The following MEMO1 variants were observed in gnomAD, a reference collection of about 807,000 sequenced individuals.
MEMO1 encodes mediator of cell motility 1, also known as protein MEMO1.
In MEMO1, 6 loss-of-function variants were observed where a neutral mutation model predicts 45.2. The ratio of observed to expected loss-of-function variants is 0.13; its 90% CI spans 0.07 to 0.26. The LOEUF is 0.26. Among genes scored for constraint, MEMO1 ranks in the 10% least tolerant of loss-of-function variants. MEMO1 has a pLI of 1.00. For synonymous variants in MEMO1, 78 were observed against 124.3 expected, an observed-to-expected ratio of 0.63 and a Z score of 2.48; for missense variants, 184 against 370.5, an observed-to-expected ratio of 0.50 and a Z score of 4.13.
intron 2 of MEMO1, among the ~76,000 whole-genome samples, chr2:32,003,975 C>A (rs1160782223): frequency 6.6e-6 from 1 of 151,924 alleles, no homozygotes; most frequent in Non-Finnish European, 1.5e-5. Flanking sequence ...AGCTTGAGAC[C>A]AGGAATTTGA....
chr2:31,998,444 C>G (rs181549205), intron 2 of MEMO1, among the ~76,000 whole-genome samples: 1 of 152,286 alleles, frequency 6.6e-6, no homozygotes, highest in Non-Finnish European at 1.5e-5. Flanking sequence ...GGCTTGGTCA[C>G]TGAACCTCTT....
intron 2 of MEMO1, among the ~76,000 whole-genome samples, chr2:31,964,793 G>T (rs1391028363): frequency 6.6e-6 from 1 of 152,102 alleles, no homozygotes; most frequent in South Asian, 2.1e-4. Context: ...TGTTTTTACA[G>T]TGATAATAGT....
intron 6 of MEMO1, among the ~76,000 whole-genome samples, chr2:31,906,298 T>C (rs1217400953): frequency 6.6e-6 from 1 of 151,040 alleles, no homozygotes; most frequent in Non-Finnish European, 1.5e-5. Flanking sequence ...GTTTTTGTTT[T>C]TGTTTTTTTT....
intron 7 of MEMO1, among the ~76,000 whole-genome samples, chr2:31,891,624 T>C (rs1413338641): frequency 6.6e-6 from 1 of 151,950 alleles, no homozygotes; most frequent in Non-Finnish European, 1.5e-5. Flanking sequence ...CACAGTGCTC[T>C]TCTATACTCT....
intron 3 of MEMO1, among the ~76,000 whole-genome samples, chr2:31,938,784 A>AT (rs1356138570): frequency 5.2e-5 from 7 of 134,122 alleles, no homozygotes; most frequent in African/African-American, 8.5e-5. Context: ...CCATAGAACA[A>AT]TATTTTTTTT....
At chr2:31,959,941 G>A (rs892099971) in intron 2 of MEMO1, among the ~76,000 whole-genome samples, 4 of 152,146 alleles carry the variant, frequency 2.6e-5, no homozygotes, top group Non-Finnish European at 4.4e-5. Context: ...ATCATTTCTG[G>A]CCTGGTGTGG....
intron 4 of MEMO1, chr2:31,923,488 A>T: frequency 2.3e-6 from 2 of 854,136 alleles, no homozygotes; most frequent in Non-Finnish European, 3.2e-6. Context: ...CTAAATGAAG[A>T]AAAACTAAAA....
intron 2 of MEMO1, among the ~76,000 whole-genome samples, chr2:31,945,684 G>A (rs1666112584): frequency 1.3e-5 from 2 of 152,168 alleles, no homozygotes; most frequent in African/African-American, 4.8e-5. Flanking sequence ...CATCAAGAGA[G>A]ACGGCACCCT....
chr2:31,907,468 T>C (rs938401340), intron 6 of MEMO1, among the ~76,000 whole-genome samples: 2 of 152,122 alleles, frequency 1.3e-5, no homozygotes, highest in Non-Finnish European at 1.5e-5. Flanking sequence ...TGACAGTAAA[T>C]GTTATCTTAA....
chr2:31,901,233 T>G (rs757716775), intron 6 of MEMO1, among the ~76,000 whole-genome samples: 1 of 151,048 alleles, frequency 6.6e-6, no homozygotes, highest in Non-Finnish European at 1.5e-5. Context: ...ATTAGCCGGG[T>G]GTGGTGGCAC....
chr2:31,963,423 A>T, intron 2 of MEMO1: 2 of 762,102 alleles, frequency 2.6e-6, no homozygotes, highest in Non-Finnish European at 3.6e-6. Context: ...AATATCTATG[A>T]CAGGTGAAAA....
At chr2:31,898,735 G>A (rs1678273554) in intron 6 of MEMO1, among the ~76,000 whole-genome samples, 1 of 152,152 alleles carries the variant, frequency 6.6e-6, no homozygotes, top group South Asian at 2.1e-4. Context: ...GGTCTGCGTG[G>A]TCCAGAGCTG....
intron 2 of MEMO1, among the ~76,000 whole-genome samples, chr2:32,000,650 G>A (rs549120304): frequency 2.6e-5 from 4 of 152,348 alleles, no homozygotes; most frequent in African/African-American, 9.6e-5. Flanking sequence ...ACAAGCGTGA[G>A]CCACCGCACC....
Position 31,874,300 on chromosome 2 carries a change from T to C in MEMO1, c.658-4348A>G, listed in dbSNP as rs529665071. Among the ~76,000 whole-genome samples, 11 of 152,230 alleles carry C rather than the reference T, an allele frequency of 7.2e-5. 1 individual carries two copies. The South Asian group carries it at 2.3e-3, about 32-fold the overall frequency. On this transcript the variant is annotated intron_variant, in intron 8 of 9. Coordinates refer to ENST00000404530, the MANE Select transcript of MEMO1 (RefSeq NM_001301833.4). ...CAACTAGGTTCTGCTTTAGTCACAG[T>C]AATTATTGACATTGCAAAGCACTAA...
At chr2:31,883,194 T>A (rs1186622740) in intron 8 of MEMO1, among the ~76,000 whole-genome samples, 192 bp downstream of exon 8, 3 of 152,152 alleles carry the variant, frequency 2.0e-5, no homozygotes, top group African/African-American at 7.2e-5. Context: ...TCAAACAAAA[T>A]TATGATGACG....
intron 6 of MEMO1, among the ~76,000 whole-genome samples, chr2:31,901,469 A>T (rs1678804758): frequency 6.6e-6 from 1 of 152,018 alleles, no homozygotes; most frequent in African/African-American, 2.4e-5. Context: ...TGAAAAATAG[A>T]CTACATTTTG....
chr2:31,900,980 T>TATATTATACC (rs1425297511), intron 6 of MEMO1, among the ~76,000 whole-genome samples: 4 of 152,194 alleles, frequency 2.6e-5, no homozygotes, highest in African/African-American at 9.7e-5. Context: ...TTTATACCAT[T>TATATTATACC]ATTCATAATA....
At chr2:31,933,346 AAAATTTATATATATATAT>A (rs1664477855) in intron 3 of MEMO1, among the ~76,000 whole-genome samples, 1 of 25,518 alleles carries the variant, frequency 3.9e-5, no homozygotes, top group African/African-American at 1.6e-4. Context: ...AAAAAAAAAA[AAAATTTATATATATATAT>A]ATATATATAT....
chr2:31,872,167 G>A (rs547493484), intron 8 of MEMO1, among the ~76,000 whole-genome samples: 1 of 152,200 alleles, frequency 6.6e-6, no homozygotes, highest in Admixed American at 6.5e-5. Context: ...CATAAATAAT[G>A]GATGATCAAG....
Sources: allele counts gnomAD v4.1 joint callset (sites outside exome capture counted in the v4.1 genomes callset), GRCh38; gene constraint gnomAD v4.1.1; transcripts MANE v1.5; gene names NCBI Gene and HGNC (gene_info 2026-07-23, HGNC 2026-07-21).